Variants in GALNTL6 observed in about 807,000 individuals in gnomAD.
The protein encoded by GALNTL6 is polypeptide N-acetylgalactosaminyltransferase like 6.
GALNTL6 carries 46 observed loss-of-function variants against 73.7 expected under a neutral mutation model. The observed-to-expected ratio is 0.62, with a 90% CI of 0.49 to 0.80. The LOEUF (loss-of-function observed/expected upper bound fraction) is 0.80, where lower values mean the gene tolerates loss of function less well. GALNTL6 is among the 30% of genes least tolerant of loss of function. GALNTL6 has a pLI of 0.00. For synonymous variants in GALNTL6, 259 were observed against 263.7 expected (o/e 0.98, Z 0.17); for missense variants, 604 against 755.0 (o/e 0.80, Z 2.34).
intron 4 of GALNTL6, among the ~76,000 whole-genome samples, chr4:172,346,939 C>G (rs1453524637): frequency 6.7e-6 from 1 of 150,346 alleles, no homozygotes; most frequent in Admixed American, 6.6e-5. Context: ...GTATATGACT[C>G]TGAAAAGTCA....
chr4:172,434,420 A>C (rs1731564091), intron 5 of GALNTL6, among the ~76,000 whole-genome samples: 1 of 152,156 alleles, frequency 6.6e-6, no homozygotes, highest in African/African-American at 2.4e-5. Flanking sequence ...GCTGTAATTA[A>C]ATAGTTATTA....
At chr4:172,196,317 C>CA (rs971044746) in intron 2 of GALNTL6, among the ~76,000 whole-genome samples, 5 of 151,888 alleles carry the variant, frequency 3.3e-5, no homozygotes, top group Non-Finnish European at 7.4e-5. Flanking sequence ...AGCCACCAAC[C>CA]AAAAAAATCC....
At chr4:172,277,838 T>G (rs1738892129) in intron 3 of GALNTL6, among the ~76,000 whole-genome samples, 1 of 152,246 alleles carries the variant, frequency 6.6e-6, no homozygotes, top group South Asian at 2.1e-4. Context: ...CATTAATTTT[T>G]AACATATTTC....
chr4:172,207,280 A>C (rs1736168906), intron 2 of GALNTL6, among the ~76,000 whole-genome samples: 1 of 152,120 alleles, frequency 6.6e-6, no homozygotes. Flanking sequence ...AATCTGAGTT[A>C]TGTTTTAAAA....
chr4:172,697,108 AAGTG>A (rs1733743330), intron 5 of GALNTL6, among the ~76,000 whole-genome samples: 3 of 152,240 alleles, frequency 2.0e-5, no homozygotes, highest in African/African-American at 7.2e-5. Context: ...CTTTTTGGTT[AAGTG>A]AGTATCAGTG....
rs1325093260 is a variant in GALNTL6, at chr4:172,318,567, T to G, written c.386+6815T>G. 2.0e-5 allele frequency among the ~76,000 whole-genome samples: 3 copies of G among 151,910 alleles called. No homozygotes were observed. In the East Asian group the frequency reaches 5.8e-4, roughly 30 times the overall value. The stretch of plus-strand genomic sequence containing the variant: ...AATAGAAAAAATTAGCTGGGCGTGG[T>G]GGTGGGCGCCTGTAATCCCAGCTAC... On this transcript the variant is annotated intron_variant, in intron 4 of 12. Coordinates refer to ENST00000506823, the MANE Select transcript of GALNTL6 (RefSeq NM_001034845.3).
intron 5 of GALNTL6, among the ~76,000 whole-genome samples, chr4:172,385,987 T>G (rs1366450060): frequency 3.3e-5 from 5 of 152,094 alleles, no homozygotes; most frequent in African/African-American, 1.2e-4. Flanking sequence ...TTCACGTTAA[T>G]GTCAACTAAA....
chr4:173,016,435 T>C (rs1306898247), intron 11 of GALNTL6, among the ~76,000 whole-genome samples: 1 of 152,176 alleles, frequency 6.6e-6, no homozygotes, highest in East Asian at 1.9e-4. Flanking sequence ...GGCAGAGCTG[T>C]CCAAGGCCAT....
At chr4:171,928,421 A>G (rs557682564) in intron 2 of GALNTL6, among the ~76,000 whole-genome samples, 2 of 152,368 alleles carry the variant, frequency 1.3e-5, no homozygotes. Context: ...TAGAACACAG[A>G]AAGAGTGGTT....
chr4:172,104,206 G>A (rs1387554637), intron 2 of GALNTL6, among the ~76,000 whole-genome samples: 1 of 152,144 alleles, frequency 6.6e-6, no homozygotes. Context: ...GCCTCCCAAA[G>A]TGCTGGGATT....
At chr4:172,455,213 C>T (rs781167486) in intron 5 of GALNTL6, among the ~76,000 whole-genome samples, 3 of 152,190 alleles carry the variant, frequency 2.0e-5, no homozygotes, top group African/African-American at 7.2e-5. Context: ...CTTAGCAACC[C>T]GCAGACCAGG....
intron 10 of GALNTL6, among the ~76,000 whole-genome samples, chr4:172,996,699 G>A (rs1157655131): frequency 6.6e-6 from 1 of 152,092 alleles, no homozygotes; most frequent in Non-Finnish European, 1.5e-5. Flanking sequence ...GATATGAGAG[G>A]GCAGGAATAA....
rs566446178 is a variant in GALNTL6 at position 172,506,000 on chromosome 4, A to G, written c.553+157311A>G. 2.3e-3 allele frequency among the ~76,000 whole-genome samples: 126 copies of G among 53,986 alleles called. 46 individuals carry two copies. Among genetic ancestry groups the G allele is most frequent in the Admixed American group, 6.0e-3 (23 of 3,816 alleles). The allele number at this position is 53,986 out of a possible 152,430, so 35.4% of individuals were successfully genotyped here. ...GAGGGAAAGAAACAAAAATACACCAAGCTCGCAGCACATTCAGCATTATCA... is the reference window on the plus strand; with the variant it reads ...GAGGGAAAGAAACAAAAATACACCAGGCTCGCAGCACATTCAGCATTATCA... On this transcript the variant is annotated intron_variant, in intron 5 of 12. Transcript: ENST00000506823.
At chr4:172,138,477 C>CTACA (rs1429796548) in intron 2 of GALNTL6, among the ~76,000 whole-genome samples, 10 of 8,688 alleles carry the variant, frequency 1.2e-3, no homozygotes, top group African/African-American at 3.9e-3. Context: ...CTTGGACTGC[C>CTACA]TATATATATA....
At chr4:173,016,046 A>C (rs1452269265) in intron 11 of GALNTL6, among the ~76,000 whole-genome samples, 1 of 152,248 alleles carries the variant, frequency 6.6e-6, no homozygotes, top group East Asian at 1.9e-4. Flanking sequence ...TGCAAGCCCC[A>C]AGCCTTAGCA....
At chr4:172,792,031 A>G (rs2110932391) in intron 5 of GALNTL6, among the ~76,000 whole-genome samples, 1 of 152,358 alleles carries the variant, frequency 6.6e-6, no homozygotes, top group African/African-American at 2.4e-5. Flanking sequence ...TCCAGGAGCC[A>G]TGGACTGGTT....
At chr4:171,925,893 A>G (rs1032701487) in intron 2 of GALNTL6, among the ~76,000 whole-genome samples, 8 of 152,112 alleles carry the variant, frequency 5.3e-5, no homozygotes, top group Non-Finnish European at 1.0e-4. Flanking sequence ...AGTACTTCTT[A>G]TATAGCTTTT....
chr4:171,871,498 C>A (rs911588316), intron 2 of GALNTL6, among the ~76,000 whole-genome samples: 5 of 152,056 alleles, frequency 3.3e-5, no homozygotes, highest in African/African-American at 7.2e-5. Context: ...CCATTCCCCC[C>A]ACCCCAACTA....
chr4:171,841,846 T>C (rs1457314372), intron 2 of GALNTL6, among the ~76,000 whole-genome samples: 2 of 152,070 alleles, frequency 1.3e-5, no homozygotes, highest in East Asian at 3.9e-4. Context: ...AGTATAGCAA[T>C]GTCCTCCCAA....
Sources: gnomAD v4.1 joint callset for allele counts (sites outside exome capture counted in the v4.1 genomes callset) on GRCh38, gnomAD v4.1.1 for gene constraint, MANE v1.5 for transcripts, NCBI Gene and HGNC (gene_info 2026-07-23, HGNC 2026-07-21) for gene names.